The following MAST2 variants were observed in gnomAD, a reference collection of about 807,000 sequenced individuals.
The protein encoded by MAST2 is microtubule-associated serine/threonine-protein kinase 2.
A neutral mutation model predicts 147.4 loss-of-function variants in MAST2; 70 were observed. The observed-to-expected ratio is 0.47, with a 90% confidence interval of 0.39 to 0.58. The LOEUF is 0.58. Among genes scored for constraint, MAST2 ranks in the 20% least tolerant of loss-of-function variants. The probability of loss-of-function intolerance (pLI) is 0.00; values close to 1 mark genes in which losing one functional copy is unlikely to be tolerated. For missense variants in MAST2, 2,080 were observed against 2,302.3 expected, an observed-to-expected ratio of 0.90 and a Z score of 1.98; for synonymous variants, 869 against 896.8, an observed-to-expected ratio of 0.97 and a Z score of 0.55.
At chr1:45,907,082 G>A (rs1570655603) in intron 4 of MAST2, among the ~76,000 whole-genome samples, 1 of 152,076 alleles carries the variant, frequency 6.6e-6, no homozygotes, top group Admixed American at 6.5e-5. Flanking sequence ...GTTTATGCAG[G>A]TATACTCCAT....
At chr1:45,834,942 C>CT (rs545789885) in intron 3 of MAST2, among the ~76,000 whole-genome samples, 156 of 146,486 alleles carry the variant, frequency 1.1e-3, no homozygotes, top group Non-Finnish European at 1.1e-3. Context: ...CATTCCCTGT[C>CT]TTTTTTTTTT....
At chr1:45,846,883 A>G in intron 3 of MAST2, 1 of 194,456 alleles carries the variant, frequency 5.1e-6, no homozygotes, top group Non-Finnish European at 1.1e-5. Context: ...CTCTCATCAT[A>G]TAAGAGAATG....
chr1:45,974,740 A>G (rs1277225530), intron 5 of MAST2, among the ~76,000 whole-genome samples: 1 of 152,226 alleles, frequency 6.6e-6, no homozygotes, highest in Non-Finnish European at 1.5e-5. Context: ...CAGTAGTATG[A>G]AGAGCCAAAG....
rs371855645 is a variant in MAST2, at chr1:45,904,470, G to A, written c.500+22075G>A. Among the ~76,000 whole-genome samples the A allele has an allele frequency of 3.4e-5, 5 of 147,072 alleles. No individual in the cohort carries two copies. The East Asian group carries it at 6.1e-4, about 18-fold the overall frequency. On this transcript the variant is annotated intron_variant, in intron 4 of 28. Transcript: ENST00000361297. The stretch of plus-strand genomic sequence containing the variant: ...ATTACAGGCATGAGCCACCGTGTCC[G>A]GCCTTAAATTTTTTTTAGGCAGGGT...
At chr1:45,837,906 G>A (rs1645151327) in intron 3 of MAST2, among the ~76,000 whole-genome samples, 1 of 152,104 alleles carries the variant, frequency 6.6e-6, no homozygotes, top group African/African-American at 2.4e-5. Flanking sequence ...AGCCTCTCAA[G>A]TAGCTGAAAT....
intron 4 of MAST2, among the ~76,000 whole-genome samples, chr1:45,888,324 T>C (rs1647180267): frequency 6.6e-6 from 1 of 152,190 alleles, no homozygotes; most frequent in African/African-American, 2.4e-5. Context: ...TTTTCTGTTA[T>C]ACCTCTCAAA....
intron 3 of MAST2, among the ~76,000 whole-genome samples, chr1:45,880,428 A>G (rs184128607): frequency 1.2e-4 from 19 of 152,340 alleles, no homozygotes; most frequent in Admixed American, 1.2e-3. Flanking sequence ...TTTACGAAGA[A>G]AGGACATGGT....
At chr1:45,981,587 G>T (rs1204354839) in intron 5 of MAST2, among the ~76,000 whole-genome samples, 1 of 152,118 alleles carries the variant, frequency 6.6e-6, no homozygotes, top group Non-Finnish European at 1.5e-5. Context: ...CCTTCAGAGG[G>T]TATTTTCCCA....
At chr1:45,874,685 C>G (rs1268558263) in intron 3 of MAST2, among the ~76,000 whole-genome samples, 1 of 152,154 alleles carries the variant, frequency 6.6e-6, no homozygotes, top group East Asian at 1.9e-4. Context: ...TTGTTGCCTA[C>G]TAGGCTAGGT....
At chr1:46,002,505 A>G (rs2149190625) in intron 6 of MAST2, among the ~76,000 whole-genome samples, 1 of 152,368 alleles carries the variant, frequency 6.6e-6, no homozygotes, top group East Asian at 1.9e-4. Context: ...TTTCTATGAA[A>G]GTAAGTTGAG....
At chr1:45,934,436 A>G (rs1655880611) in intron 4 of MAST2, among the ~76,000 whole-genome samples, 1 of 151,576 alleles carries the variant, frequency 6.6e-6, no homozygotes, top group Admixed American at 6.6e-5. Flanking sequence ...CAGTGAGCTG[A>G]GATTGTGCCA....
chr1:45,824,514 C>G lies in MAST2; in HGVS notation c.259C>G (p.Leu87Val). Residue 87 changes from leucine (L) to valine (V), a missense_variant, in exon 2 of 29, where the codon CTT (leucine) becomes GTT (valine). Around this residue, in one of 4 missense-constraint regions of MAST2, gnomAD observed 569 missense variants for 642.5 expected, o/e 0.89. Coordinates refer to ENST00000361297, the MANE Select transcript of MAST2 (RefSeq NM_015112.3). Reference protein sequence around the residue: ...DIFSSTGKVKLQRQLSQDDCK... With the variant: ...DIFSSTGKVKVQRQLSQDDCK... The stretch of plus-strand genomic sequence containing the variant: ...ATTTTCATCCACTGGAAAAGTTAAA[C>G]TTCAGCGACAACTGAGTCAGGATGA... 6.2e-7 allele frequency: 1 copy of G among 1,612,112 alleles called. No individual in the cohort carries two copies. The highest frequency in any genetic ancestry group is 8.5e-7 in the Non-Finnish European group (1 of 1,178,814).
intron 4 of MAST2, among the ~76,000 whole-genome samples, chr1:45,911,899 T>TATTATG (rs1018164718): frequency 7.6e-6 from 1 of 131,590 alleles, no homozygotes; most frequent in African/African-American, 2.8e-5. Context: ...TTATTATTAT[T>TATTATG]ATGTAGCCTG....
intron 4 of MAST2, among the ~76,000 whole-genome samples, chr1:45,904,835 C>A (rs1002057488): frequency 1.3e-5 from 2 of 151,756 alleles, no homozygotes; most frequent in African/African-American, 2.4e-5. Context: ...GAGAGAGAGG[C>A]CTTGCTCTGT....
At chr1:45,829,321 G>A in intron 2 of MAST2, 118 bp from the exon 3 acceptor site, 2 of 853,620 alleles carry the variant, frequency 2.3e-6, no homozygotes, top group South Asian at 5.5e-5. Context: ...AAATGGATGT[G>A]AACAATTTTA....
chr1:46,028,983 A>G (rs762646645), intron 18 of MAST2, 50 bp downstream of exon 18: 1 of 1,517,694 alleles, frequency 6.6e-7, no homozygotes, highest in Non-Finnish European at 8.8e-7. Flanking sequence ...TGAATCCACA[A>G]ATATGATGTA....
intron 4 of MAST2, among the ~76,000 whole-genome samples, chr1:45,896,408 T>C (rs777974205): frequency 6.6e-6 from 1 of 151,938 alleles, no homozygotes; most frequent in Non-Finnish European, 1.5e-5. Flanking sequence ...ATAGGGTGAG[T>C]TACTAGGGAA....
intron 2 of MAST2, among the ~76,000 whole-genome samples, chr1:45,825,218 G>T (rs1644755139): frequency 6.6e-6 from 1 of 152,056 alleles, no homozygotes. Context: ...GTAGAGACGG[G>T]GTTTCACTGT....
intron 3 of MAST2, among the ~76,000 whole-genome samples, chr1:45,874,183 G>A (rs1028759518): frequency 6.6e-6 from 1 of 152,124 alleles, no homozygotes; most frequent in Non-Finnish European, 1.5e-5. Context: ...AAGCCTTTGA[G>A]GTAGATGGAA....
Sources: gnomAD v4.1 joint callset for allele counts (sites outside exome capture counted in the v4.1 genomes callset) on GRCh38, gnomAD v4.1.1 for gene constraint, gnomAD v4.1.1 regional missense constraint, MANE v1.5 for transcripts, NCBI Gene and HGNC (gene_info 2026-07-23, HGNC 2026-07-21) for gene names.